Variants in ACOXL observed in about 807,000 individuals in gnomAD.
The protein encoded by ACOXL is acyl-CoA oxidase like, also known as acyl-coenzyme A oxidase-like protein.
ACOXL carries 70 observed loss-of-function variants against 71.9 expected under a neutral mutation model. The ratio of observed to expected loss-of-function variants is 0.97; its 90% confidence interval spans 0.80 to 1.19. The LOEUF (loss-of-function observed/expected upper bound fraction) is 1.19, where lower values mean the gene tolerates loss of function less well. ACOXL is among the 50% of genes most tolerant of loss of function. The probability of loss-of-function intolerance (pLI) is 0.00; values close to 1 mark genes in which losing one functional copy is unlikely to be tolerated. For missense variants in ACOXL, 703 were observed against 736.3 expected (o/e 0.95, Z 0.52); for synonymous variants, 253 against 281.6 (o/e 0.90, Z 1.02).
At chr2:111,088,442 T>A (rs191684312) in intron 16 of ACOXL, among the ~76,000 whole-genome samples, 2 of 152,178 alleles carry the variant, frequency 1.3e-5, no homozygotes, top group East Asian at 3.9e-4. Flanking sequence ...GTATATATAC[T>A]ATGCAGCCAT....
At position 111,092,980 on chromosome 2, in the gene ACOXL, G is replaced by A. The variant is rs777570128; in HGVS notation, c.1542+14G>A. 6.2e-7 allele frequency: 1 copy of A among 1,607,896 alleles called. No individual in the cohort carries two copies. Among genetic ancestry groups the A allele is most frequent in the East Asian group, 2.2e-5 (1 of 44,830 alleles). ...ATCAGGAATCAGGTAAGGTCCCTGG[G>A]GTACAGAAAAACACTTTGTACATCA... On this transcript the variant is annotated intron_variant, in intron 17 of 17. Coordinates refer to ENST00000439055, the MANE Select transcript of ACOXL (RefSeq NM_001142807.4).
chr2:110,941,577 C>T (rs1296375864), intron 12 of ACOXL, among the ~76,000 whole-genome samples: 1 of 152,106 alleles, frequency 6.6e-6, no homozygotes, highest in Admixed American at 6.5e-5. Flanking sequence ...TTTCTATCTC[C>T]TATATCATTA....
chr2:111,086,685 A>G lies in ACOXL; in HGVS notation c.1441-6180A>G, dbSNP rs185313873. On this transcript the variant is annotated intron_variant, in intron 16 of 17. Transcript: ENST00000439055. Reference sequence around the variant, plus strand: ...ACATAGTAAGAGTCATCTATGAAAAACCCACAGTCAAAATCATGCTGAATG... The same window carrying G: ...ACATAGTAAGAGTCATCTATGAAAAGCCCACAGTCAAAATCATGCTGAATG... 9.1e-4 allele frequency among the ~76,000 whole-genome samples: 139 copies of G among 152,224 alleles called. 1 individual carries two copies. Among genetic ancestry groups the G allele is most frequent in the African/African-American group, 3.0e-3 (124 of 41,514 alleles).
At chr2:111,027,760 C>T (rs1045602940) in intron 14 of ACOXL, among the ~76,000 whole-genome samples, 3 of 152,186 alleles carry the variant, frequency 2.0e-5, no homozygotes, top group Admixed American at 6.5e-5. Context: ...GCTGTTTTCT[C>T]AACTGTAAAC....
chr2:110,846,475 G>A (rs912745823), intron 10 of ACOXL, among the ~76,000 whole-genome samples: 4 of 152,166 alleles, frequency 2.6e-5, no homozygotes, highest in Non-Finnish European at 4.4e-5. Flanking sequence ...CCTCAGAGCC[G>A]GAGGGGCTCT....
intron 13 of ACOXL, among the ~76,000 whole-genome samples, chr2:110,994,230 T>C (rs1196813429): frequency 6.6e-6 from 1 of 152,236 alleles, no homozygotes; most frequent in Non-Finnish European, 1.5e-5. Flanking sequence ...TTTCATTAAA[T>C]AGACTGAGGC....
chr2:110,857,571 G>A (rs72944205), intron 10 of ACOXL, among the ~76,000 whole-genome samples: 3,559 of 152,300 alleles, frequency 0.023, 138 homozygotes, highest in African/African-American at 0.08. Flanking sequence ...TTTTAAACAC[G>A]AGGGAGAGTA....
chr2:110,875,821 C>T (rs1348690155), intron 10 of ACOXL, among the ~76,000 whole-genome samples: 1 of 152,082 alleles, frequency 6.6e-6, no homozygotes, highest in African/African-American at 2.4e-5. Flanking sequence ...CTAAGTGAAG[C>T]TGTTGAAAGG....
chr2:110,766,862 G>C (rs1681143158), intron 1 of ACOXL, among the ~76,000 whole-genome samples: 1 of 152,188 alleles, frequency 6.6e-6, no homozygotes, highest in Admixed American at 6.5e-5. Flanking sequence ...TAGAAGATCA[G>C]CTCCCTACTT....
chr2:110,733,734 A>G (rs1338120030), intron 1 of ACOXL, among the ~76,000 whole-genome samples: 1 of 152,094 alleles, frequency 6.6e-6, no homozygotes, highest in Non-Finnish European at 1.5e-5. Flanking sequence ...GGCGTTTGAA[A>G]GTTGAAAAGT....
At chr2:110,884,966 T>C (rs1418203341) in intron 10 of ACOXL, among the ~76,000 whole-genome samples, 1 of 152,164 alleles carries the variant, frequency 6.6e-6, no homozygotes, top group Non-Finnish European at 1.5e-5. Flanking sequence ...TGATGAAATT[T>C]CCAGGGCTTT....
chr2:111,086,545 G>A (rs1244396487), intron 16 of ACOXL, among the ~76,000 whole-genome samples: 4 of 152,124 alleles, frequency 2.6e-5, no homozygotes, highest in African/African-American at 9.7e-5. Flanking sequence ...CTCTCAGCTT[G>A]GATATTGTTG....
intron 1 of ACOXL, among the ~76,000 whole-genome samples, chr2:110,743,022 C>G (rs1020307851): frequency 6.6e-6 from 1 of 152,172 alleles, no homozygotes; most frequent in African/African-American, 2.4e-5. Flanking sequence ...TTTTCATCAC[C>G]CCAGAAAAAC....
At chr2:110,752,088 G>A (rs1217057209) in intron 1 of ACOXL, among the ~76,000 whole-genome samples, 5 of 149,756 alleles carry the variant, frequency 3.3e-5, no homozygotes, top group East Asian at 2.0e-4. Context: ...GCAATGGCAC[G>A]ATCTTGGCTC....
At chr2:110,974,738 G>A (rs1177550669) in intron 12 of ACOXL, among the ~76,000 whole-genome samples, 1 of 152,144 alleles carries the variant, frequency 6.6e-6, no homozygotes, top group Non-Finnish European at 1.5e-5. Flanking sequence ...CTCTGTCTTG[G>A]AACTGCCCAT....
chr2:110,913,111 T>G (rs1416550679), intron 11 of ACOXL, among the ~76,000 whole-genome samples: 1 of 152,204 alleles, frequency 6.6e-6, no homozygotes, highest in African/African-American at 2.4e-5. Context: ...TAACAAGTGT[T>G]GACAAGTATG....
intron 16 of ACOXL, among the ~76,000 whole-genome samples, chr2:111,072,091 G>A (rs1339127482): frequency 1.3e-5 from 2 of 152,228 alleles, no homozygotes; most frequent in Non-Finnish European, 2.9e-5. Flanking sequence ...TAGACACTTA[G>A]AGAATGCAGC....
At chr2:110,737,881 G>T (rs575811790) in intron 1 of ACOXL, among the ~76,000 whole-genome samples, 3 of 152,206 alleles carry the variant, frequency 2.0e-5, no homozygotes, top group Admixed American at 2.0e-4. Flanking sequence ...GTTACCCTTT[G>T]TAGAAGCTTA....
chr2:110,966,836 C>A (rs1279411383), intron 12 of ACOXL, among the ~76,000 whole-genome samples: 1 of 152,230 alleles, frequency 6.6e-6, no homozygotes, highest in African/African-American at 2.4e-5. Context: ...TTGCCCCCAA[C>A]CTGTCTCCAA....
Sources: allele counts gnomAD v4.1 joint callset (sites outside exome capture counted in the v4.1 genomes callset), GRCh38; gene constraint gnomAD v4.1.1; transcripts MANE v1.5; gene names NCBI Gene and HGNC (gene_info 2026-07-23, HGNC 2026-07-21).